AKR1A1: variants seen among roughly 807,000 people sequenced by gnomAD.
AKR1A1 encodes the protein aldo-keto reductase family 1 member A1, also known as HEL-S-165mP.
In AKR1A1, 26 loss-of-function variants were observed where a neutral mutation model predicts 39.2. That is an observed-to-expected ratio of 0.66 (90% CI 0.49 to 0.92). The LOEUF (loss-of-function observed/expected upper bound fraction) is 0.92, where lower values mean the gene tolerates loss of function less well. Ranked by LOEUF, AKR1A1 falls within the 40% of genes least tolerant of loss-of-function variation. AKR1A1 has a pLI of 0.00. For synonymous variants in AKR1A1, 141 were observed against 155.5 expected, an observed-to-expected ratio of 0.91 and a Z score of 0.69; for missense variants, 378 against 406.5, an observed-to-expected ratio of 0.93 and a Z score of 0.60.
chr1:45,553,542 C>T (rs1324163957), intron 1 of AKR1A1, among the ~76,000 whole-genome samples: 1 of 152,136 alleles, frequency 6.6e-6, no homozygotes, highest in Admixed American at 6.6e-5. Context: ...TCAAGAAGTA[C>T]AGGAAGCATT....
At chr1:45,562,992 C>T (rs759523933) in intron 2 of AKR1A1, among the ~76,000 whole-genome samples, 1 of 152,028 alleles carries the variant, frequency 6.6e-6, no homozygotes, top group Non-Finnish European at 1.5e-5. Flanking sequence ...GCCTGTGGTC[C>T]CAGCTACTTG....
Position 45,568,110 on chromosome 1 carries a change from C to G in AKR1A1, c.485C>G (p.Ser162Cys), listed in dbSNP as rs1462332691. 1 of 1,613,932 alleles carries G rather than the reference C, an allele frequency of 6.2e-7. No homozygotes were observed. Among genetic ancestry groups the G allele is most frequent in the Non-Finnish European group, 8.5e-7 (1 of 1,180,020 alleles). Residue 162 changes from serine to cysteine, a missense_variant, in exon 5 of 9, where the codon TCC becomes TGC. By Grantham distance (112) the Ser-to-Cys change is moderately radical. Transcript: ENST00000351829. ...AKGLVQALGL[S>C]NFNSRQIDDI... Reference sequence around the variant, plus strand: ...GGGCTGGTGCAGGCGCTGGGCCTGTCCAACTTCAACAGTCGGCAGATTGAT... The same window carrying G: ...GGGCTGGTGCAGGCGCTGGGCCTGTGCAACTTCAACAGTCGGCAGATTGAT...
intron 2 of AKR1A1, among the ~76,000 whole-genome samples, chr1:45,563,357 G>A (rs1009228516): frequency 1.3e-5 from 2 of 152,070 alleles, no homozygotes; most frequent in Non-Finnish European, 1.5e-5. Flanking sequence ...CCAAAATTAC[G>A]CCACTGCACT....
intron 1 of AKR1A1, among the ~76,000 whole-genome samples, chr1:45,559,316 T>C (rs112064318): frequency 0.051 from 7,826 of 152,322 alleles, 292 homozygotes; most frequent in Non-Finnish European, 0.075. Context: ...TGACCTCTTA[T>C]TTGCATAGCT....
chr1:45,557,826 C>G (rs993512865), intron 1 of AKR1A1, among the ~76,000 whole-genome samples: 7 of 151,474 alleles, frequency 4.6e-5, no homozygotes, highest in African/African-American at 1.7e-4. Context: ...TTTCCAAAAC[C>G]AACTTAAACT....
chr1:45,569,830 C>A, intron 8 of AKR1A1, 61 bp from the exon 9 acceptor site: 2 of 1,458,516 alleles, frequency 1.4e-6, no homozygotes, highest in Non-Finnish European at 1.9e-6. Context: ...GGGGAAGATG[C>A]CTGGAGTCTT....
At chr1:45,562,216 C>A (rs184808815) in intron 2 of AKR1A1, among the ~76,000 whole-genome samples, 18 of 152,016 alleles carry the variant, frequency 1.2e-4, no homozygotes, top group Admixed American at 9.2e-4. Flanking sequence ...ACACTGGGTT[C>A]TTTGAGGGCT....
At chr1:45,564,884 G>A (rs1294564702) in intron 2 of AKR1A1, among the ~76,000 whole-genome samples, 2 of 147,886 alleles carry the variant, frequency 1.4e-5, no homozygotes, top group Non-Finnish European at 3.0e-5. Context: ...GTGCAGTGGC[G>A]CAATCTCGCC....
At chr1:45,566,462 T>G in intron 2 of AKR1A1, 107 bp from the exon 3 acceptor site, 2 of 1,505,892 alleles carry the variant, frequency 1.3e-6, no homozygotes, top group Non-Finnish European at 1.8e-6. Context: ...TGCATAGATG[T>G]GCCTGTTATA....
At position 45,568,614 on chromosome 1, in the gene AKR1A1, C is replaced by T. The variant is rs1644376311; in HGVS notation, c.682C>T (p.Leu228=). The T allele has an allele frequency of 1.2e-6, 2 of 1,613,998 alleles. No individual in the cohort carries two copies. Among genetic ancestry groups the T allele is most frequent in the African/African-American group, 2.7e-5 (2 of 75,052 alleles). ...ATGGCGTGATCCTGATGAGCCTGTC[C>T]TGCTGGAGGAACCAGTAGTCCTGGC... The part of the protein sequence containing the change: ...RAWRDPDEPV[L]LEEPVVLALA... Residue 228 remains leucine, a synonymous_variant, in exon 6 of 9, where the codon CTG becomes TTG. Coordinates refer to ENST00000351829, the MANE Select transcript of AKR1A1 (RefSeq NM_153326.3).
At position 45,569,207 on chromosome 1, in the gene AKR1A1, G is replaced by A. The variant is rs61757676; in HGVS notation, c.890G>A (p.Arg297Lys). ...KQLNALNKNW[R>K]YIVPMLTVDG... is the part of the protein sequence containing the mutation. ...CTAAATGCCCTGAACAAAAATTGGA[G>A]ATATATTGTGCCTATGCTTACGGTG... Residue 297 changes from arginine to lysine, a missense_variant, in exon 8 of 9, where the codon AGA becomes AAA. Arg to Lys is a conservative substitution (Grantham distance 26, BLOSUM62 2). Transcript: ENST00000351829. The A allele has an allele frequency of 3.3e-5, 54 of 1,613,960 alleles. No homozygotes were observed. The highest frequency in any genetic ancestry group is 2.2e-5 in the South Asian group (2 of 91,088).
At chr1:45,560,124 A>G (rs1447714051) in intron 1 of AKR1A1, among the ~76,000 whole-genome samples, 1 of 152,016 alleles carries the variant, frequency 6.6e-6, no homozygotes, top group Non-Finnish European at 1.5e-5. Context: ...AGCTGGGACT[A>G]CAGGTGCATG....
intron 2 of AKR1A1, 71 bp downstream of exon 2, chr1:45,561,949 A>C (rs1644283405): frequency 6.8e-7 from 1 of 1,463,024 alleles, no homozygotes; most frequent in Admixed American, 1.7e-5. Context: ...CCCCACCCCC[A>C]TACTCCCCTT....
intron 1 of AKR1A1, among the ~76,000 whole-genome samples, chr1:45,559,794 C>T (rs1644254578): frequency 6.7e-6 from 1 of 150,166 alleles, no homozygotes; most frequent in South Asian, 2.1e-4. Context: ...ATTATAGGCA[C>T]CCGCCACCAT....
chr1:45,561,822 A>G lies in AKR1A1; in HGVS notation c.28A>G (p.Thr10Ala), dbSNP rs751739320. The G allele has an allele frequency of 6.2e-7, 1 of 1,614,018 alleles. No homozygotes were observed. The highest frequency in any genetic ancestry group is 1.7e-5 in the Admixed American group (1 of 59,980). Reference protein sequence around the residue: MAASCVLLHTGQKMPLIGLG... With the variant: MAASCVLLHAGQKMPLIGLG... ...GGCGGCTTCCTGTGTTCTACTGCAC[A>G]CTGGGCAGAAGATGCCTCTGATTGG... Residue 10 changes from threonine to alanine, a missense_variant, in exon 2 of 9, where the codon ACT becomes GCT. Thr to Ala is a moderately conservative substitution (Grantham distance 58). Transcript: ENST00000351829.
chr1:45,565,122 ATTTTTTTTTTT>A (rs11351880), intron 2 of AKR1A1, among the ~76,000 whole-genome samples: 1 of 53,568 alleles, frequency 1.9e-5, no homozygotes, highest in Non-Finnish European at 3.2e-5. Flanking sequence ...ACACCCAGCC[ATTTTTTTTTTT>A]TTTTTTTTTT....
Position 45,567,962 on chromosome 1 carries a change from TG to T in AKR1A1, c.357-16del. ...GCCTGGCATTTGTGTCCACACTTGG[TG>T]GGGCTGTCTCTCACTCAGGCGGGGA... On this transcript the variant is annotated intron_variant, in intron 4 of 8. Coordinates refer to ENST00000351829, the MANE Select transcript of AKR1A1 (RefSeq NM_153326.3). 1 of 1,595,470 alleles carries T rather than the reference TG, an allele frequency of 6.3e-7. No individual in the cohort carries two copies. The highest frequency in any genetic ancestry group is 1.7e-5 in the Admixed American group (1 of 58,500).
chr1:45,558,574 AT>A (rs1570897125), intron 1 of AKR1A1, among the ~76,000 whole-genome samples: 1 of 151,418 alleles, frequency 6.6e-6, no homozygotes, highest in African/African-American at 2.4e-5. Context: ...TAATTTTTGT[AT>A]TTTTAGGAGA....
rs1644142828 is a variant in AKR1A1 at position 45,552,381 on chromosome 1, C to T, written c.-7+1226C>T. 3 of 151,800 alleles carry T rather than the reference C, an allele frequency of 2.0e-5. No homozygotes were observed. In the Admixed American group the frequency reaches 2.0e-4, roughly 10 times the overall value. The allele number at this position is 151,800 out of a possible 1,614,324, so 9.4% of individuals were successfully genotyped here. On this transcript the variant is annotated intron_variant, in intron 1 of 8. Coordinates refer to ENST00000351829, the MANE Select transcript of AKR1A1 (RefSeq NM_153326.3). The stretch of plus-strand genomic sequence containing the variant: ...AAAAAAATTCCCCCTAGCAAGCAGA[C>T]TCAGAAAGAAAAAAACAAATTTTTG...
Sources: allele counts gnomAD v4.1 joint callset (sites outside exome capture counted in the v4.1 genomes callset), GRCh38; gene constraint gnomAD v4.1.1; transcripts MANE v1.5; gene names NCBI Gene and HGNC (gene_info 2026-07-23, HGNC 2026-07-21).